The following CNTFR variants were observed in gnomAD, a reference collection of about 807,000 sequenced individuals.
The protein encoded by CNTFR is ciliary neurotrophic factor receptor subunit alpha.
CNTFR carries 12 observed loss-of-function variants against 40.4 expected under a neutral mutation model. The ratio of observed to expected loss-of-function variants is 0.30; its 90% CI spans 0.19 to 0.48. The LOEUF is 0.48. Ranked by LOEUF, CNTFR falls within the 20% of genes least tolerant of loss-of-function variation. CNTFR has a pLI of 0.99. For missense variants in CNTFR, 414 were observed against 506.8 expected (o/e 0.82, Z 1.76); for synonymous variants, 202 against 209.6 (o/e 0.96, Z 0.31).
Position 34,557,605 on chromosome 9 carries a change from G to C in CNTFR, c.525C>G (p.Ile175Met), listed in dbSNP as rs1415086399. 3 of 1,614,104 alleles carry C rather than the reference G, an allele frequency of 1.9e-6. No individual in the cohort carries two copies. Among genetic ancestry groups the C allele is most frequent in the Admixed American group, 3.3e-5 (2 of 60,012 alleles). Residue 175 changes from isoleucine to methionine, a missense_variant, in exon 6 of 10, where the codon ATC (isoleucine) becomes ATG (methionine). Ile to Met is a conservative substitution (Grantham distance 10). Transcript: ENST00000378980. The surrounding 1 kb of genome is among the most constrained non-coding windows in gnomAD (Gnocchi z 4.2). Reference protein sequence around the residue: ...HIRYMHLFSTIKYKVSISVSN... With the variant: ...HIRYMHLFSTMKYKVSISVSN... ...TGACACTTATGGAGACCTTGTACTT[G>C]ATGGTGGAGAACAGGTGCATGTAGC...
intron 2 of CNTFR, among the ~76,000 whole-genome samples, chr9:34,577,602 C>A (rs1267028389): frequency 6.6e-6 from 1 of 152,184 alleles, no homozygotes; most frequent in Non-Finnish European, 1.5e-5. Context: ...AGGAGCTCAT[C>A]CCCTCTGTCT....
chr9:34,559,499 T>C (rs996216096), intron 4 of CNTFR, among the ~76,000 whole-genome samples: 23 of 152,188 alleles, frequency 1.5e-4, no homozygotes, highest in Non-Finnish European at 2.4e-4. Context: ...TGCCTTCCAC[T>C]GTGTGCCTCC....
chr9:34,555,918 TGCCATCTCCCTCCCCC>T (rs1219828294), intron 7 of CNTFR, among the ~76,000 whole-genome samples: 5 of 30,792 alleles, frequency 1.6e-4, no homozygotes, highest in African/African-American at 7.9e-4. Context: ...CTCCCTCCCC[TGCCATCTCCCTCCCCC>T]GCCATCTCCC....
intron 4 of CNTFR, among the ~76,000 whole-genome samples, chr9:34,562,213 T>C (rs1826104265): frequency 6.6e-6 from 1 of 152,162 alleles, no homozygotes; most frequent in South Asian, 2.1e-4. Context: ...CCTTTTTCCA[T>C]GGCACTCAGT....
chr9:34,572,858 C>T (rs1826745966), intron 2 of CNTFR, among the ~76,000 whole-genome samples: 1 of 152,174 alleles, frequency 6.6e-6, no homozygotes, highest in Admixed American at 6.5e-5. Flanking sequence ...CTGACACAGT[C>T]ACAGTGATGG....
chr9:34,567,182 AT>A (rs11477756), intron 3 of CNTFR, among the ~76,000 whole-genome samples: 148,931 of 152,104 alleles, frequency 0.98, 72,992 homozygotes, highest in East Asian at 1. Context: ...CAGGGGGAGG[AT>A]TGGGGTTCTT....
rs1587113198 is a variant in CNTFR, at chr9:34,552,111, A to C, written c.*-40T>G. The C allele has an allele frequency of 6.3e-7, 1 of 1,596,050 alleles. No homozygotes were observed. Among genetic ancestry groups the C allele is most frequent in the Non-Finnish European group, 8.5e-7 (1 of 1,170,816 alleles). ...AGGGGCCTGTCAGGGAGGGGGCTGGAGTGGGGGTTCCCTCAGGCTCCCTCT... is the reference window on the plus strand; with the variant it reads ...AGGGGCCTGTCAGGGAGGGGGCTGGCGTGGGGGTTCCCTCAGGCTCCCTCT... On this transcript the variant is annotated intron_variant, in intron 9 of 9. Coordinates refer to ENST00000378980, the MANE Select transcript of CNTFR (RefSeq NM_147164.3). The surrounding 1 kb of genome is among the most constrained non-coding windows in gnomAD (Gnocchi z 5.1).
At position 34,564,848 on chromosome 9, in the gene CNTFR, G is replaced by A. The variant is rs2296940; in HGVS notation, c.86-16C>T. On this transcript the variant is annotated splice_polypyrimidine_tract_variant and intron_variant, in intron 3 of 9. Transcript: ENST00000378980. ...TGGGGTGCCTCTGTGGGGGGTGGGG[G>A]CACAGGGCAAAAGTCACAGGTCACA... 1 of 1,608,924 alleles carries A rather than the reference G, an allele frequency of 6.2e-7. No homozygotes were observed. The highest frequency in any genetic ancestry group is 8.5e-7 in the Non-Finnish European group (1 of 1,177,666).
chr9:34,585,129 G>C (rs1342370428), intron 1 of CNTFR, among the ~76,000 whole-genome samples: 1 of 152,194 alleles, frequency 6.6e-6, no homozygotes, highest in Non-Finnish European at 1.5e-5. Context: ...CAATGAGACA[G>C]AAAAAGATGT....
At position 34,552,609 on chromosome 9, in the gene CNTFR, C is replaced by T; in HGVS notation, c.949+65G>A. On this transcript the variant is annotated intron_variant, in intron 8 of 9. Transcript: ENST00000378980. This position sits in a 1 kb window ranked among gnomAD's most constrained non-coding sequence, Gnocchi z 5.1. ...CTGGAGGCAGCAGGGTAGAACCAGGCCACAGGTTCTACCACAGGCCTCCAG... is the reference window on the plus strand; with the variant it reads ...CTGGAGGCAGCAGGGTAGAACCAGGTCACAGGTTCTACCACAGGCCTCCAG... 6.6e-7 allele frequency: 1 copy of T among 1,515,292 alleles called. No homozygotes were observed. The highest frequency in any genetic ancestry group is 8.9e-7 in the Non-Finnish European group (1 of 1,120,220). The allele number at this position is 1,515,292 out of a possible 1,614,324, so 93.9% of individuals were successfully genotyped here. A position where few individuals can be genotyped will look rare whatever the true frequency, so the allele number is the denominator to read the frequency against.
In CNTFR at chr9:34,552,198, C is replaced by T; in HGVS notation, c.1081G>A (p.Ala361Thr). Residue 361 changes from alanine to threonine, a missense_variant, in exon 9 of 10, where the codon GCT (alanine) becomes ACT (threonine). This residue lies in a region of CNTFR where 81 missense variants were observed against 92.2 expected (regional missense o/e 0.88). Transcript: ENST00000378980. The surrounding 1 kb of genome is among the most constrained non-coding windows in gnomAD (Gnocchi z 5.1). ...CTGCTGGCAGTGGCGGCAGCGGCAG[C>T]CAGGGCCAGAGTGATGGGGACGCTG... ...LVSVPITLAL[A>T]AAAATASSLL... 1 of 1,589,118 alleles carries T rather than the reference C, an allele frequency of 6.3e-7. No individual in the cohort carries two copies. Among genetic ancestry groups the T allele is most frequent in the Non-Finnish European group, 8.6e-7 (1 of 1,168,296 alleles).
intron 1 of CNTFR, among the ~76,000 whole-genome samples, chr9:34,588,670 T>G (rs1247548093): frequency 6.6e-6 from 1 of 152,072 alleles, no homozygotes; most frequent in East Asian, 1.9e-4. Context: ...CGTGAAATAG[T>G]CCTGCCCGCC....
chr9:34,563,876 G>A (rs960401880), intron 4 of CNTFR, among the ~76,000 whole-genome samples: 3 of 151,984 alleles, frequency 2.0e-5, no homozygotes, highest in African/African-American at 7.3e-5. Context: ...CATCCAACCT[G>A]CCTCCCTCCA....
Position 34,556,276 on chromosome 9 carries a change from G to A in CNTFR, c.747C>T (p.Leu249=). The A allele has an allele frequency of 6.2e-7, 1 of 1,613,080 alleles. No individual in the cohort carries two copies. Among genetic ancestry groups the A allele is most frequent in the Non-Finnish European group, 8.5e-7 (1 of 1,179,600 alleles). ...TCACATGCTGCCACTGGTCCAGGAT[G>A]AGGGGTCGGTAGCGCAGAAAGAACT... is the stretch of plus-strand genomic sequence containing the variant. ...PLKFFLRYRP[L]ILDQWQHVEL... is the part of the protein sequence containing the mutation. The change falls in exon 7 of 10, where the codon CTC becomes CTT. Residue 249 remains leucine, a synonymous_variant. Coordinates refer to ENST00000378980, the MANE Select transcript of CNTFR (RefSeq NM_147164.3).
At chr9:34,567,051 G>A (rs1331855308) in intron 3 of CNTFR, among the ~76,000 whole-genome samples, 2 of 152,122 alleles carry the variant, frequency 1.3e-5, no homozygotes, top group South Asian at 2.1e-4. Flanking sequence ...GGCAATACAC[G>A]CAGCCATGCA....
chr9:34,560,322 G>A (rs10972148), intron 4 of CNTFR, among the ~76,000 whole-genome samples: 51,260 of 150,880 alleles, frequency 0.34, 8,931 homozygotes, highest in African/African-American at 0.41. Context: ...CATGTGTGTG[G>A]CTGTGAGACT....
At chr9:34,563,820 C>T (rs1481564014) in intron 4 of CNTFR, among the ~76,000 whole-genome samples, 3 of 152,168 alleles carry the variant, frequency 2.0e-5, no homozygotes, top group African/African-American at 7.2e-5. Flanking sequence ...TCCTCATCCT[C>T]TCTCCTGCAT....
chr9:34,570,465 ACT>A (rs1379472027), intron 2 of CNTFR, among the ~76,000 whole-genome samples: 1 of 152,234 alleles, frequency 6.6e-6, no homozygotes, highest in Non-Finnish European at 1.5e-5. Context: ...GAGCTAAGAC[ACT>A]GTCAGAAACA....
At chr9:34,585,019 C>T (rs1237308435) in intron 1 of CNTFR, among the ~76,000 whole-genome samples, 2 of 152,248 alleles carry the variant, frequency 1.3e-5, no homozygotes, top group Admixed American at 6.5e-5. Context: ...ATCTGTCCCA[C>T]TCAGTGATTC....
Sources: allele counts gnomAD v4.1 joint callset (sites outside exome capture counted in the v4.1 genomes callset), GRCh38; gene constraint gnomAD v4.1.1; regional missense constraint gnomAD v4.1.1; non-coding constraint Gnocchi (gnomAD v3.1); transcripts MANE v1.5; gene names NCBI Gene and HGNC (gene_info 2026-07-23, HGNC 2026-07-21).